The following DNAH11 variants were observed in gnomAD, a reference collection of about 807,000 sequenced individuals.
DNAH11 encodes the protein axonemal beta dynein heavy chain 11.
In DNAH11, 442 loss-of-function variants were observed where a neutral mutation model predicts 526.0. The observed-to-expected ratio is 0.84, with a 90% CI of 0.78 to 0.91. The LOEUF (loss-of-function observed/expected upper bound fraction) is 0.91, where lower values mean the gene tolerates loss of function less well. DNAH11 is among the 40% of genes least tolerant of loss of function. DNAH11 has a pLI of 0.00. For missense variants in DNAH11, 6,989 were observed against 5,448.7 expected, an observed-to-expected ratio of 1.28 and a Z score of -8.90; for synonymous variants, 2,461 against 1,935.9, an observed-to-expected ratio of 1.27 and a Z score of -7.12.
At chr7:21,746,418 A>C (rs973571591) in intron 51 of DNAH11, among the ~76,000 whole-genome samples, 1 of 152,106 alleles carries the variant, frequency 6.6e-6, no homozygotes, top group Non-Finnish European at 1.5e-5. Context: ...TGTCTGGGTG[A>C]CATAGTGGGA....
intron 25 of DNAH11, among the ~76,000 whole-genome samples, chr7:21,631,998 A>G (rs919652800): frequency 2.6e-5 from 4 of 152,114 alleles, no homozygotes; most frequent in African/African-American, 4.8e-5. Context: ...AGGCATTTCC[A>G]TGCATCTTGT....
chr7:21,845,792 T>C (rs1372555026), intron 66 of DNAH11, among the ~76,000 whole-genome samples: 1 of 152,208 alleles, frequency 6.6e-6, no homozygotes, highest in Admixed American at 6.5e-5. Flanking sequence ...GTGTTGAATT[T>C]CAGAAAGGAA....
intron 9 of DNAH11, among the ~76,000 whole-genome samples, chr7:21,587,701 T>A (rs1784522875): frequency 1.3e-5 from 2 of 152,126 alleles, no homozygotes; most frequent in Admixed American, 6.6e-5. Flanking sequence ...AGAATACATA[T>A]GTAGGAGGGA....
chr7:21,813,928 AAT>A (rs1473843189), intron 63 of DNAH11, among the ~76,000 whole-genome samples: 1 of 152,186 alleles, frequency 6.6e-6, no homozygotes, highest in African/African-American at 2.4e-5. Context: ...GGTATACTCT[AAT>A]ATGTCACTTA....
At chr7:21,760,384 C>T (rs1435851605) in intron 54 of DNAH11, among the ~76,000 whole-genome samples, 1 of 152,120 alleles carries the variant, frequency 6.6e-6, no homozygotes, top group Non-Finnish European at 1.5e-5. Flanking sequence ...CCGACTTGCC[C>T]ATCCTTGGAA....
At chr7:21,716,123 A>G (rs554608195) in intron 42 of DNAH11, among the ~76,000 whole-genome samples, 3 of 152,154 alleles carry the variant, frequency 2.0e-5, no homozygotes, top group South Asian at 4.2e-4. Context: ...TGCTCCTAGT[A>G]ATGCTTGCAA....
intron 55 of DNAH11, among the ~76,000 whole-genome samples, chr7:21,770,113 C>T (rs1432970026): frequency 2.0e-5 from 3 of 152,290 alleles, no homozygotes; most frequent in East Asian, 3.9e-4. Flanking sequence ...ACTGCAACTG[C>T]TGTTGGTGCT....
rs1180922306 is a variant in DNAH11 at position 21,807,925 on chromosome 7, A to G, written c.10208A>G (p.Gln3403Arg). Residue 3403 changes from glutamine to arginine, a missense_variant, in exon 63 of 82, where the codon CAA becomes CGA. Transcript: ENST00000409508. ...WGQSIKSFEA[Q>R]EKTLCGDVLL... ...CAATCCATTAAGTCCTTTGAAGCTC[A>G]AGAGAAGACACTCTGTGGAGATGTT... The G allele has an allele frequency of 6.2e-7, 1 of 1,608,432 alleles. No homozygotes were observed. The highest frequency in any genetic ancestry group is 1.7e-5 in the Admixed American group (1 of 59,938).
At chr7:21,894,841 C>T (rs762699204) in intron 78 of DNAH11, 36 bp downstream of exon 78, 1 of 1,612,076 alleles carries the variant, frequency 6.2e-7, no homozygotes, top group Non-Finnish European at 8.5e-7. Context: ...GACTTCAGCA[C>T]ATTGGAAGAT....
Position 21,582,026 on chromosome 7 carries a change from G to C in DNAH11, c.1710+5G>C. ...GGCTTAGAAGCTGCATTTAAGGTTA[G>C]TTCTGAAGAAGCTATCATAAAAAAC... On this transcript the variant is annotated splice_donor_5th_base_variant and intron_variant, in intron 9 of 81. Transcript: ENST00000409508. 1.3e-6 allele frequency: 2 copies of C among 1,579,030 alleles called. No homozygotes were observed. The highest frequency in any genetic ancestry group is 2.2e-5 in the East Asian group (1 of 44,688).
At chr7:21,792,630 A>G (rs1357971026) in intron 61 of DNAH11, among the ~76,000 whole-genome samples, 1 of 152,034 alleles carries the variant, frequency 6.6e-6, no homozygotes, top group Non-Finnish European at 1.5e-5. Flanking sequence ...GGTAGAGTGT[A>G]TATGTGCAGG....
At chr7:21,615,903 TTTAA>T (rs1165867728) in intron 21 of DNAH11, among the ~76,000 whole-genome samples, 2 of 152,218 alleles carry the variant, frequency 1.3e-5, no homozygotes, top group East Asian at 1.9e-4. Context: ...AAGTCTGTTA[TTTAA>T]TAATCTACTT....
intron 45 of DNAH11, among the ~76,000 whole-genome samples, chr7:21,731,077 G>C (rs185994312): frequency 2.2e-4 from 34 of 152,236 alleles, no homozygotes; most frequent in African/African-American, 8.2e-4. Flanking sequence ...CTGGGAGGCA[G>C]AGGTTGCAGA....
At chr7:21,765,321 A>T in intron 54 of DNAH11, 107 bp from the exon 55 acceptor site, 1 of 1,515,484 alleles carries the variant, frequency 6.6e-7, no homozygotes, top group Non-Finnish European at 9.0e-7. Flanking sequence ...AGGGTAGTTT[A>T]ATGTCACAGT....
chr7:21,737,734 T>G (rs1180862939), intron 46 of DNAH11, among the ~76,000 whole-genome samples: 1 of 152,154 alleles, frequency 6.6e-6, no homozygotes, highest in Non-Finnish European at 1.5e-5. Flanking sequence ...TCTGCCTGAC[T>G]GGGCATGTTA....
intron 43 of DNAH11, among the ~76,000 whole-genome samples, chr7:21,720,445 ATG>A (rs1784831345): frequency 6.9e-6 from 1 of 145,398 alleles, no homozygotes; most frequent in African/African-American, 2.6e-5. Context: ...TTTTTTGCTT[ATG>A]TGTGATTTTG....
At chr7:21,821,956 C>G (rs1193094060) in intron 65 of DNAH11, among the ~76,000 whole-genome samples, 1 of 151,824 alleles carries the variant, frequency 6.6e-6, no homozygotes, top group Admixed American at 6.6e-5. Flanking sequence ...TAAGAAAATG[C>G]CATATTTTTC....
intron 34 of DNAH11, among the ~76,000 whole-genome samples, chr7:21,688,130 C>T (rs538310154): frequency 1.3e-5 from 2 of 152,124 alleles, no homozygotes; most frequent in African/African-American, 2.4e-5. Flanking sequence ...CTTTCTTGAC[C>T]TCTGGCAGCA....
At chr7:21,853,190 A>G (rs1443128465) in intron 67 of DNAH11, among the ~76,000 whole-genome samples, 1 of 152,212 alleles carries the variant, frequency 6.6e-6, no homozygotes, top group Non-Finnish European at 1.5e-5. Flanking sequence ...ATGGGTCCCA[A>G]TATGCCTTAT....
Sources: gnomAD v4.1 joint callset for allele counts (sites outside exome capture counted in the v4.1 genomes callset) on GRCh38, gnomAD v4.1.1 for gene constraint, MANE v1.5 for transcripts, NCBI Gene and HGNC (gene_info 2026-07-23, HGNC 2026-07-21) for gene names.